Variants in RELN observed in about 807,000 individuals in gnomAD.
RELN encodes the protein reelin.
A neutral mutation model predicts 427.6 loss-of-function variants in RELN; 108 were observed. The observed-to-expected ratio is 0.25, with a 90% CI of 0.22 to 0.30. The LOEUF (loss-of-function observed/expected upper bound fraction) is 0.30, where lower values mean the gene tolerates loss of function less well. Ranked by LOEUF, RELN falls within the 10% of genes least tolerant of loss-of-function variation. The probability of loss-of-function intolerance (pLI) is 1.00; values close to 1 mark genes in which losing one functional copy is unlikely to be tolerated. For synonymous variants in RELN, 1,524 were observed against 1,513.4 expected, an observed-to-expected ratio of 1.01 and a Z score of -0.16; for missense variants, 3,715 against 4,302.8, an observed-to-expected ratio of 0.86 and a Z score of 3.82.
intron 2 of RELN, among the ~76,000 whole-genome samples, chr7:103,881,627 G>A (rs1794609348): frequency 6.6e-6 from 1 of 151,724 alleles, no homozygotes; most frequent in African/African-American, 2.4e-5. Context: ...CTTGTCCTCT[G>A]TATTTGTCCT....
intron 12 of RELN, 46 bp downstream of exon 12, chr7:103,661,330 C>T (rs779076350): frequency 4.8e-5 from 77 of 1,598,386 alleles, no homozygotes; most frequent in Non-Finnish European, 6.3e-5. Flanking sequence ...AGGTGCTGGC[C>T]TAGGATTTGC....
chr7:103,581,515 G>T (rs979245908), intron 28 of RELN, among the ~76,000 whole-genome samples: 1 of 152,154 alleles, frequency 6.6e-6, no homozygotes. Flanking sequence ...GGGGAGTCTT[G>T]GGAGGACACT....
chr7:103,836,909 A>G (rs1223846836), intron 2 of RELN, among the ~76,000 whole-genome samples: 1 of 152,040 alleles, frequency 6.6e-6, no homozygotes, highest in Non-Finnish European at 1.5e-5. Context: ...ACTAATCCAC[A>G]TTCCTCTAGC....
In RELN at chr7:103,824,624, C is replaced by CAG. The variant is rs1793086377; in HGVS notation, c.473+8911_473+8912dup. The stretch of plus-strand genomic sequence containing the variant: ...CCAGTGTTTTCACTTTCTTTCAAAA[C>CAG]AGAGTGTGTGTGTGTGTGTGTGTGT... On this transcript the variant is annotated intron_variant, in intron 3 of 64. Coordinates refer to ENST00000428762, the MANE Select transcript of RELN (RefSeq NM_005045.4). This position sits in a 1 kb window ranked among gnomAD's most constrained non-coding sequence, Gnocchi z 4.4. 2.3e-5 allele frequency among the ~76,000 whole-genome samples: 2 copies of CAG among 86,874 alleles called. No homozygotes were observed. Among genetic ancestry groups the CAG allele is most frequent in the South Asian group, 8.4e-4 (2 of 2,380 alleles). 57.0% of individuals were successfully genotyped at this position (86,874 alleles called of 152,430 possible).
In RELN at chr7:103,539,144, C is replaced by T. The variant is rs114344654; in HGVS notation, c.7114G>A (p.Val2372Met). The change falls in exon 45 of 65, where the codon GTG becomes ATG. Residue 2372 changes from valine (V) to methionine (M), a missense_variant. Coordinates refer to ENST00000428762, the MANE Select transcript of RELN (RefSeq NM_005045.4). ...TRYVVSTDVA[V>M]NEDSFLQIDF... Reference sequence around the variant, plus strand: ...ATCTGTAGGAAGGAATCCTCATTCACGGCAACGTCTGTGCTGACCACGTAA... The same window carrying T: ...ATCTGTAGGAAGGAATCCTCATTCATGGCAACGTCTGTGCTGACCACGTAA... 2.4e-4 allele frequency: 385 copies of T among 1,614,198 alleles called. 2 individuals are homozygous for T. In the Middle Eastern group the frequency reaches 2.8e-3, roughly 12 times the overall value.
At chr7:103,848,378 A>AT (rs1333650903) in intron 2 of RELN, among the ~76,000 whole-genome samples, 1 of 152,164 alleles carries the variant, frequency 6.6e-6, no homozygotes, top group African/African-American at 2.4e-5. Flanking sequence ...AATTGAGGGG[A>AT]TTTTAAGACA....
At chr7:103,965,619 T>G (rs1189679058) in intron 1 of RELN, among the ~76,000 whole-genome samples, 88 of 152,336 alleles carry the variant, frequency 5.8e-4, no homozygotes, top group Non-Finnish European at 1.5e-5. Flanking sequence ...ATAATCCATT[T>G]GGGCATCGAA....
intron 4 of RELN, among the ~76,000 whole-genome samples, chr7:103,774,308 A>C (rs1466657998): frequency 1.3e-5 from 2 of 152,236 alleles, no homozygotes; most frequent in Admixed American, 6.5e-5. Flanking sequence ...AAAAAAAAAA[A>C]AAAAAAATAC....
chr7:103,821,883 C>A (rs899333134), intron 3 of RELN, among the ~76,000 whole-genome samples: 1 of 152,124 alleles, frequency 6.6e-6, no homozygotes, highest in Admixed American at 6.6e-5. Context: ...TATGCTCATG[C>A]TATTCATAAT....
chr7:103,855,768 A>C (rs923799790), intron 2 of RELN, among the ~76,000 whole-genome samples: 18 of 152,262 alleles, frequency 1.2e-4, no homozygotes, highest in African/African-American at 4.3e-4. Context: ...AGCCTCAGGC[A>C]TTCCTGAGCT....
chr7:103,560,406 T>C (rs1009494285), intron 36 of RELN, among the ~76,000 whole-genome samples: 2 of 152,232 alleles, frequency 1.3e-5, no homozygotes, highest in African/African-American at 4.8e-5. Context: ...AATGCTTGGC[T>C]GCTCTTGCAT....
At chr7:103,938,318 C>A (rs560446064) in intron 1 of RELN, among the ~76,000 whole-genome samples, 15 of 152,004 alleles carry the variant, frequency 9.9e-5, no homozygotes, top group Admixed American at 7.9e-4. Context: ...AAAAGAAAAA[C>A]CCTAGTTTCT....
At chr7:103,536,750 G>A (rs1830060802) in intron 45 of RELN, among the ~76,000 whole-genome samples, 1 of 152,136 alleles carries the variant, frequency 6.6e-6, no homozygotes, top group Admixed American at 6.5e-5. Context: ...CCAGCTATGG[G>A]CATTCTTCCA....
chr7:103,629,478 G>A (rs930385685), intron 20 of RELN, among the ~76,000 whole-genome samples: 1 of 152,066 alleles, frequency 6.6e-6, no homozygotes, highest in Admixed American at 6.6e-5. Flanking sequence ...AAATACTTCT[G>A]GGGACTTATA....
intron 11 of RELN, among the ~76,000 whole-genome samples, chr7:103,678,477 C>T (rs2073559): frequency 0.52 from 79,630 of 152,004 alleles, 21,282 homozygotes; most frequent in African/African-American, 0.62. Context: ...CTATCAACAC[C>T]GGATTTCGGA....
intron 1 of RELN, among the ~76,000 whole-genome samples, chr7:103,926,627 GTTTTTTTTTTTTTTT>G (rs60259062): frequency 1.8e-4 from 18 of 99,456 alleles, no homozygotes; most frequent in Admixed American, 6.2e-4. Flanking sequence ...AGTATCATAA[GTTTTTTTTTTTTTTT>G]TTTTTTTTTT....
chr7:103,767,822 C>T (rs1042092437), intron 4 of RELN, among the ~76,000 whole-genome samples: 1 of 152,186 alleles, frequency 6.6e-6, no homozygotes, highest in African/African-American at 2.4e-5. Context: ...TTGGTCTTTG[C>T]TCTAATGTCA....
At chr7:103,509,476 T>G (rs2117057702) in intron 51 of RELN, among the ~76,000 whole-genome samples, 2 of 152,340 alleles carry the variant, frequency 1.3e-5, no homozygotes, top group South Asian at 4.1e-4. Context: ...TCTGGATCCC[T>G]TCCTTACACC....
At chr7:103,955,240 A>C (rs1796409937) in intron 1 of RELN, among the ~76,000 whole-genome samples, 2 of 152,226 alleles carry the variant, frequency 1.3e-5, no homozygotes, top group Non-Finnish European at 2.9e-5. Flanking sequence ...ACCCCAATTT[A>C]ATAAACTGAA....
Sources: gnomAD v4.1 joint callset for allele counts (sites outside exome capture counted in the v4.1 genomes callset) on GRCh38, gnomAD v4.1.1 for gene constraint, Gnocchi (gnomAD v3.1) non-coding constraint, MANE v1.5 for transcripts, NCBI Gene and HGNC (gene_info 2026-07-23, HGNC 2026-07-21) for gene names.